Variants in CCL19 observed in about 807,000 individuals in gnomAD.
CCL19 encodes the protein C-C motif chemokine ligand 19.
In CCL19, 5 loss-of-function variants were observed where a neutral mutation model predicts 9.7. That is an observed-to-expected ratio of 0.51 (90% confidence interval 0.27 to 1.08). The LOEUF (loss-of-function observed/expected upper bound fraction) is 1.08, where lower values mean the gene tolerates loss of function less well. Among genes scored for constraint, CCL19 ranks in the 50% least tolerant of loss-of-function variants. The pLI, the probability that CCL19 is intolerant of heterozygous loss-of-function variation, is 0.12. For synonymous variants in CCL19, 40 were observed against 47.4 expected (o/e 0.84, Z 0.64); for missense variants, 90 against 122.5 (o/e 0.73, Z 1.25).
In CCL19 at chr9:34,689,789, G is replaced by A. The variant is rs1224027826; in HGVS notation, c.*30C>T. 5.0e-6 allele frequency: 8 copies of A among 1,613,750 alleles called. No individual in the cohort carries two copies. In the African/African-American group the frequency reaches 1.1e-4, roughly 22 times the overall value. Reference sequence around the variant, plus strand: ...GTAATAATTCACAATGCTTGACTCGGACTCCGGGCTCCCTCTGCACGGTCA... The same window carrying A: ...GTAATAATTCACAATGCTTGACTCGAACTCCGGGCTCCCTCTGCACGGTCA... On this transcript the variant is annotated 3_prime_UTR_variant, in exon 4 of 4. Coordinates refer to ENST00000311925, the MANE Select transcript of CCL19 (RefSeq NM_006274.3). The surrounding 1 kb of genome is among the most constrained non-coding windows in gnomAD (Gnocchi z 4.1).
At chr9:34,690,047 T>C in intron 2 of CCL19, 24 bp from the exon 3 acceptor site, 1 of 1,610,576 alleles carries the variant, frequency 6.2e-7, no homozygotes, top group South Asian at 1.1e-5. Flanking sequence ...CCGGAGAGAA[T>C]GGAGCCCCAG....
At chr9:34,690,564 C>A (rs944539087) in intron 1 of CCL19, among the ~76,000 whole-genome samples, 7 of 151,574 alleles carry the variant, frequency 4.6e-5, no homozygotes, top group African/African-American at 1.7e-4. Context: ...TGTCATACTT[C>A]TAAACTGTTT....
At chr9:34,690,994 A>G (rs957209163) in intron 1 of CCL19, 97 bp downstream of exon 1, 2 of 1,092,092 alleles carry the variant, frequency 1.8e-6, no homozygotes, top group Non-Finnish European at 2.7e-6. Flanking sequence ...TGAACTCACC[A>G]TGTCCCTTAC....
At chr9:34,690,167 G>T (rs1821777315) in intron 2 of CCL19, 43 bp downstream of exon 2, 4 of 1,611,406 alleles carry the variant, frequency 2.5e-6, no homozygotes, top group Non-Finnish European at 3.4e-6. Flanking sequence ...CTCAACAGGG[G>T]CTAAAACGGG....
chr9:34,691,142 A>G lies in CCL19; in HGVS notation c.-3T>C, dbSNP rs763350675. On this transcript the variant is annotated 5_prime_UTR_variant, in exon 1 of 4. Transcript: ENST00000311925. Reference sequence around the variant, plus strand: ...CTGAGGGCCAGTAGCAGGGCCATGGAGGGTGAACAGAGGCAGGCCAACGGT... The same window carrying G: ...CTGAGGGCCAGTAGCAGGGCCATGGGGGGTGAACAGAGGCAGGCCAACGGT... 59 of 1,613,248 alleles carry G rather than the reference A, an allele frequency of 3.7e-5. No homozygotes were observed. Among genetic ancestry groups the G allele is most frequent in the Non-Finnish European group, 4.7e-5 (56 of 1,179,716 alleles).
intron 2 of CCL19, 57 bp from the exon 3 acceptor site, chr9:34,690,080 T>C: frequency 6.3e-7 from 1 of 1,593,244 alleles, no homozygotes; most frequent in South Asian, 1.1e-5. Context: ...CTGGGGACCA[T>C]GTCTGGGAAC....
chr9:34,690,326 G>A lies in CCL19; in HGVS notation c.66C>T (p.Gly22=), dbSNP rs935654266. 7 of 1,613,848 alleles carry A rather than the reference G, an allele frequency of 4.3e-6. No homozygotes were observed. Among genetic ancestry groups the A allele is most frequent in the Admixed American group, 1.7e-5 (1 of 59,972 alleles). The change falls in exon 2 of 4, where the codon GGC becomes GGT. Residue 22 remains glycine, a synonymous_variant. Coordinates refer to ENST00000311925, the MANE Select transcript of CCL19 (RefSeq NM_006274.3). The part of the protein sequence containing the change: ...LWTSPAPTLS[G]TNDAEDCCLS... The stretch of plus-strand genomic sequence containing the variant: ...GGCAGCAGTCTTCAGCATCATTGGT[G>A]CCACTCAGAGTTGGGGCTGGGATGG...
chr9:34,690,073 G>A lies in CCL19; in HGVS notation c.183-50C>T, dbSNP rs781063349. 108 of 1,598,608 alleles carry A rather than the reference G, an allele frequency of 6.8e-5. 1 individual carries two copies. The South Asian group carries it at 1.2e-3, about 17-fold the overall frequency. On this transcript the variant is annotated intron_variant, in intron 2 of 3. Coordinates refer to ENST00000311925, the MANE Select transcript of CCL19 (RefSeq NM_006274.3). ...GGAGCCCCAGAATCCAGCATGCCTGGGGACCATGTCTGGGAACCTGTTTCA... is the reference window on the plus strand; with the variant it reads ...GGAGCCCCAGAATCCAGCATGCCTGAGGACCATGTCTGGGAACCTGTTTCA...
chr9:34,690,982 C>T (rs1821785746), intron 1 of CCL19, 109 bp downstream of exon 1: 2 of 963,822 alleles, frequency 2.1e-6, no homozygotes, highest in South Asian at 3.3e-5. Context: ...TAAGCATTTG[C>T]CTGAACTCAC....
chr9:34,689,823 C>T lies in CCL19; in HGVS notation c.293G>A (p.Ser98Asn), dbSNP rs1484979764. The T allele has an allele frequency of 6.2e-7, 1 of 1,614,074 alleles. No homozygotes were observed. Among genetic ancestry groups the T allele is most frequent in the African/African-American group, 1.3e-5 (1 of 74,908 alleles). ...CTCCCTCTGCACGGTCATAGGTTAACTGCTGCGGCGCTTCATCTAGAGGAG... is the reference window on the plus strand; with the variant it reads ...CTCCCTCTGCACGGTCATAGGTTAATTGCTGCGGCGCTTCATCTAGAGGAG... ...RTSAKMKRRSS is the reference protein window; with the variant it reads ...RTSAKMKRRSN Residue 98 changes from serine to asparagine, a missense_variant, in exon 4 of 4, where the codon AGT becomes AAT. Ser to Asn is a conservative substitution (Grantham distance 46, BLOSUM62 1). Transcript: ENST00000311925. The surrounding 1 kb of genome is among the most constrained non-coding windows in gnomAD (Gnocchi z 4.1).
At chr9:34,690,163 A>G in intron 2 of CCL19, 47 bp downstream of exon 2, 1 of 1,609,946 alleles carries the variant, frequency 6.2e-7, no homozygotes, top group Non-Finnish European at 8.5e-7. Flanking sequence ...GAGTCTCAAC[A>G]GGGGCTAAAA....
chr9:34,690,956 C>A, intron 1 of CCL19, 135 bp downstream of exon 1: 1 of 735,556 alleles, frequency 1.4e-6, no homozygotes, highest in Non-Finnish European at 2.2e-6. Context: ...GCCAGGCTCA[C>A]CGAAATATAC....
chr9:34,690,888 G>A (rs565168035), intron 1 of CCL19, among the ~76,000 whole-genome samples: 3 of 152,236 alleles, frequency 2.0e-5, no homozygotes, highest in East Asian at 3.9e-4. Context: ...AGACACACCC[G>A]CATTGGGATT....
In CCL19 at chr9:34,691,208, G is replaced by T. The variant is rs1821788685; in HGVS notation, c.-69C>A. 2.8e-6 allele frequency: 4 copies of T among 1,435,108 alleles called. No homozygotes were observed. The highest frequency in any genetic ancestry group is 3.9e-6 in the Non-Finnish European group (4 of 1,028,082). 88.9% of individuals were successfully genotyped at this position (1,435,108 alleles called of 1,614,324 possible). On this transcript the variant is annotated 5_prime_UTR_variant, in exon 1 of 4. Transcript: ENST00000311925. ...AGCTGTCTGGGTGTGTGCAGGATCTGTGTGAGGCTGCAGGGCGACTGGGAT... is the reference window on the plus strand; with the variant it reads ...AGCTGTCTGGGTGTGTGCAGGATCTTTGTGAGGCTGCAGGGCGACTGGGAT...
chr9:34,690,284 T>A lies in CCL19; in HGVS notation c.108A>T (p.Lys36Asn). Reference protein sequence around the residue: ...AEDCCLSVTQKPIPGYIVRNF... With the variant: ...AEDCCLSVTQNPIPGYIVRNF... Reference sequence around the variant, plus strand: ...TCCTCACGATGTACCCAGGGATGGGTTTCTGGGTCACAGACAGGCAGCAGT... The same window carrying A: ...TCCTCACGATGTACCCAGGGATGGGATTCTGGGTCACAGACAGGCAGCAGT... The change falls in exon 2 of 4, where the codon AAA becomes AAT. Residue 36 changes from lysine (K) to asparagine (N), a missense_variant. Coordinates refer to ENST00000311925, the MANE Select transcript of CCL19 (RefSeq NM_006274.3). 6.2e-7 allele frequency: 1 copy of A among 1,613,936 alleles called. No homozygotes were observed. The highest frequency in any genetic ancestry group is 8.5e-7 in the Non-Finnish European group (1 of 1,179,960).
Position 34,689,636 on chromosome 9 carries a change from G to A in CCL19, c.*183C>T. On this transcript the variant is annotated 3_prime_UTR_variant, in exon 4 of 4. Coordinates refer to ENST00000311925, the MANE Select transcript of CCL19 (RefSeq NM_006274.3). This position sits in a 1 kb window ranked among gnomAD's most constrained non-coding sequence, Gnocchi z 4.1. ...TCTGGGGGTGGAGCAGCTTTACTCT[G>A]ACCACACTCACCCTCTCGCTCACAC... is the stretch of plus-strand genomic sequence containing the variant. The A allele has an allele frequency of 1.5e-6, 1 of 674,262 alleles. No homozygotes were observed. 41.8% of individuals were successfully genotyped at this position (674,262 alleles called of 1,614,324 possible). A position where few individuals can be genotyped will look rare whatever the true frequency, so the allele number is the denominator to read the frequency against.
rs1429838498 is a variant in CCL19, at chr9:34,690,261, C to T, written c.131G>A (p.Arg44Lys). 2 of 1,614,026 alleles carry T rather than the reference C, an allele frequency of 1.2e-6. No individual in the cohort carries two copies. The highest frequency in any genetic ancestry group is 2.7e-5 in the African/African-American group (2 of 74,894). ...TQKPIPGYIVRNFHYLLIKDG... is the reference protein window; with the variant it reads ...TQKPIPGYIVKNFHYLLIKDG... ...CTTGATGAGAAGGTAGTGGAAGTTC[C>T]TCACGATGTACCCAGGGATGGGTTT... Residue 44 changes from arginine to lysine, a missense_variant, in exon 2 of 4, where the codon AGG becomes AAG. Physicochemically the swap from Arg to Lys is conservative, Grantham distance 26 (BLOSUM62 2). Transcript: ENST00000311925.
In CCL19 at chr9:34,690,270, T is replaced by G. The variant is rs1401830932; in HGVS notation, c.122A>C (p.Tyr41Ser). 1.9e-6 allele frequency: 3 copies of G among 1,613,878 alleles called. No homozygotes were observed. The East Asian group carries it at 6.7e-5, about 36-fold the overall frequency. Residue 41 changes from tyrosine to serine, a missense_variant, in exon 2 of 4, where the codon TAC becomes TCC. Coordinates refer to ENST00000311925, the MANE Select transcript of CCL19 (RefSeq NM_006274.3). ...LSVTQKPIPG[Y>S]IVRNFHYLLI... ...AAGGTAGTGGAAGTTCCTCACGATG[T>G]ACCCAGGGATGGGTTTCTGGGTCAC...
chr9:34,691,176 G>T lies in CCL19; in HGVS notation c.-37C>A. 6.2e-7 allele frequency: 1 copy of T among 1,603,946 alleles called. No homozygotes were observed. The highest frequency in any genetic ancestry group is 8.5e-7 in the Non-Finnish European group (1 of 1,172,260). On this transcript the variant is annotated 5_prime_UTR_variant, in exon 1 of 4. Transcript: ENST00000311925. Reference sequence around the variant, plus strand: ...AGAGGCAGGCCAACGGTGAATGTGTGAGCGCCAGCTGTCTGGGTGTGTGCA... The same window carrying T: ...AGAGGCAGGCCAACGGTGAATGTGTTAGCGCCAGCTGTCTGGGTGTGTGCA...
Sources: gnomAD v4.1 joint callset for allele counts (sites outside exome capture counted in the v4.1 genomes callset) on GRCh38, gnomAD v4.1.1 for gene constraint, Gnocchi (gnomAD v3.1) non-coding constraint, MANE v1.5 for transcripts, NCBI Gene and HGNC (gene_info 2026-07-23, HGNC 2026-07-21) for gene names.